SLC2A9: variants seen among roughly 807,000 people sequenced by gnomAD.
SLC2A9 encodes the protein solute carrier family 2 member 9, also known as solute carrier family 2, facilitated glucose transporter member 9.
In SLC2A9, 39 loss-of-function variants were observed where a neutral mutation model predicts 50.6. The ratio of observed to expected loss-of-function variants is 0.77; its 90% CI spans 0.60 to 1.01. SLC2A9 has a LOEUF of 1.01. SLC2A9 is among the 50% of genes least tolerant of loss of function. The pLI is 0.00. For missense variants in SLC2A9, 686 were observed against 677.6 expected (o/e 1.01, Z -0.14); for synonymous variants, 324 against 276.9 (o/e 1.17, Z -1.69).
upstream of SLC2A9, among the ~76,000 whole-genome samples, chr4:10,023,117 T>A (rs1489601802): frequency 6.6e-6 from 1 of 152,206 alleles, no homozygotes; most frequent in Non-Finnish European, 1.5e-5. Flanking sequence ...ACCACATCAA[T>A]CTCAGCTGGA....
chr4:9,884,693 C>A (rs932869650), intron 10 of SLC2A9, among the ~76,000 whole-genome samples: 1 of 152,150 alleles, frequency 6.6e-6, no homozygotes, highest in Non-Finnish European at 1.5e-5. Context: ...GAATATAAAT[C>A]ATTCTATTAT....
chr4:9,779,036 G>A (rs1302204852), downstream of SLC2A9, among the ~76,000 whole-genome samples: 2 of 152,134 alleles, frequency 1.3e-5, no homozygotes, highest in African/African-American at 4.8e-5. Context: ...ACAGTGCTGG[G>A]ATTACAGGCA....
intron 9 of SLC2A9, among the ~76,000 whole-genome samples, chr4:9,890,196 T>C (rs1030955731): frequency 1.4e-4 from 21 of 152,186 alleles, no homozygotes; most frequent in Non-Finnish European, 2.4e-4. Flanking sequence ...AGAGCCACTG[T>C]TCCTAAAATT....
intron 10 of SLC2A9, among the ~76,000 whole-genome samples, chr4:9,857,715 C>A (rs962006351): frequency 6.6e-6 from 1 of 152,246 alleles, no homozygotes; most frequent in Admixed American, 6.5e-5. Flanking sequence ...CAGGAACTTG[C>A]CCTGAAATGC....
intron 7 of SLC2A9, 121 bp downstream of exon 7, chr4:9,920,264 G>T: frequency 9.8e-7 from 1 of 1,016,334 alleles, no homozygotes; most frequent in Non-Finnish European, 1.5e-6. Context: ...TAACAGCATA[G>T]AGTTTGTGGC....
At chr4:9,924,372 A>G (rs1382928713) in intron 6 of SLC2A9, among the ~76,000 whole-genome samples, 2 of 152,168 alleles carry the variant, frequency 1.3e-5, no homozygotes, top group Admixed American at 1.3e-4. Context: ...CACCCCCAGG[A>G]GCAGCCCTCG....
At position 9,942,229 on chromosome 4, in the gene SLC2A9, C is replaced by T. The variant is rs76844041; in HGVS notation, c.682-184G>A. 9.2e-4 allele frequency among the ~76,000 whole-genome samples: 140 copies of T among 152,334 alleles called. No individual in the cohort carries two copies. The East Asian group carries it at 0.019, about 21-fold the overall frequency. ...ACCAGTCCCACGTATATAGCATTTT[C>T]CATGCATGAGTCCAGAGACTCCTCA... On this transcript the variant is annotated intron_variant, in intron 5 of 11. Coordinates refer to ENST00000264784, the MANE Select transcript of SLC2A9 (RefSeq NM_020041.3).
At chr4:9,973,725 G>T (rs574370296) in intron 5 of SLC2A9, among the ~76,000 whole-genome samples, 2 of 102,538 alleles carry the variant, frequency 2.0e-5, no homozygotes, top group Non-Finnish European at 1.8e-5. Flanking sequence ...GTGGGGGGAG[G>T]GGGGAGGGAT....
chr4:9,791,810 G>A (rs1163522205), intron 3 of SLC2A9, among the ~76,000 whole-genome samples: 2 of 152,166 alleles, frequency 1.3e-5, no homozygotes, highest in African/African-American at 4.8e-5. Flanking sequence ...TTGGGAGACT[G>A]TGAGCCAGAA....
At chr4:9,914,719 G>T (rs569205867) in intron 7 of SLC2A9, among the ~76,000 whole-genome samples, 1 of 152,086 alleles carries the variant, frequency 6.6e-6, no homozygotes. Flanking sequence ...TGGTGAGAAC[G>T]TGAATGCAGA....
intron 8 of SLC2A9, among the ~76,000 whole-genome samples, chr4:9,900,052 G>A (rs138372882): frequency 1.1e-4 from 17 of 152,216 alleles, no homozygotes; most frequent in Middle Eastern, 6.8e-3. Context: ...TGGAAATTTG[G>A]GCAAGTAGAA....
chr4:9,941,929 C>T lies in SLC2A9; in HGVS notation c.798G>A (p.Glu266=), dbSNP rs762538548. 2 of 1,614,118 alleles carry T rather than the reference C, an allele frequency of 1.2e-6. No homozygotes were observed. Among genetic ancestry groups the T allele is most frequent in the Admixed American group, 3.3e-5 (2 of 60,018 alleles). The change falls in exon 6 of 12, where the codon GAG becomes GAA. Residue 266 remains glutamate (E), a synonymous_variant. Transcript: ENST00000264784. The stretch of plus-strand genomic sequence containing the variant: ...GGCCCTCACCTTTCACAGCTCTTGC[C>T]TCGTTGTGCTTCTCCAAGAGCAGGT... ...PRYLLLEKHN[E]ARAVKAFQTF... is the part of the protein sequence containing the mutation.
At position 10,037,392 on chromosome 4, in the gene SLC2A9, C is replaced by T. The variant is rs74777500; in HGVS notation, c.-41+2738G>A. Among the ~76,000 whole-genome samples, 732 of 152,248 alleles carry T rather than the reference C, an allele frequency of 4.8e-3. 8 individuals carry two copies. Among genetic ancestry groups the T allele is most frequent in the African/African-American group, 0.016 (685 of 41,520 alleles). On this transcript the variant is annotated intron_variant, in intron 1 of 12. Coordinates refer to the SLC2A9 transcript ENST00000309065. ...TAGTGTCATGTTTTTGATGTTCATC[C>T]TGTCGCATTAGCCTTCTTCTGGGCA...
At chr4:10,036,326 AAAG>A (rs1303579762) in intron 1 of SLC2A9, among the ~76,000 whole-genome samples, 2 of 152,232 alleles carry the variant, frequency 1.3e-5, no homozygotes, top group African/African-American at 2.4e-5. Flanking sequence ...GACCAAAAAA[AAAG>A]AATAACTAAG....
chr4:9,782,449 G>A (rs1718571286), intron 3 of SLC2A9: 1 of 1,613,964 alleles, frequency 6.2e-7, no homozygotes. Context: ...ACCGCTACTG[G>A]GCCATCTCCA....
intron 1 of SLC2A9, among the ~76,000 whole-genome samples, chr4:10,030,518 T>A (rs532073494): frequency 6.6e-6 from 1 of 152,218 alleles, no homozygotes; most frequent in Non-Finnish European, 1.5e-5. Context: ...TTGTAATAAA[T>A]GCAGCATCCT....
chr4:9,946,407 T>C (rs949636440), intron 5 of SLC2A9, among the ~76,000 whole-genome samples: 2 of 152,194 alleles, frequency 1.3e-5, no homozygotes, highest in African/African-American at 4.8e-5. Flanking sequence ...TCATTACTCT[T>C]ACCCCAAGTC....
At chr4:9,946,579 C>T (rs1334625109) in intron 5 of SLC2A9, among the ~76,000 whole-genome samples, 1 of 152,214 alleles carries the variant, frequency 6.6e-6, no homozygotes, top group African/African-American at 2.4e-5. Context: ...AGAGCAAGCC[C>T]TACCTTACAC....
chr4:9,886,109 C>A (rs764009352), intron 10 of SLC2A9, among the ~76,000 whole-genome samples: 14 of 152,020 alleles, frequency 9.2e-5, no homozygotes, highest in Non-Finnish European at 1.9e-4. Context: ...AGAGGCCTCA[C>A]TGAGCAGCTG....
Sources: allele counts gnomAD v4.1 joint callset (sites outside exome capture counted in the v4.1 genomes callset), GRCh38; gene constraint gnomAD v4.1.1; transcripts MANE v1.5; gene names NCBI Gene and HGNC (gene_info 2026-07-23, HGNC 2026-07-21).